The following ZNF76 variants were observed in gnomAD, a reference collection of about 807,000 sequenced individuals.
ZNF76 encodes zinc finger protein 523.
Under a neutral mutation model 66.9 loss-of-function variants are expected in ZNF76, and 66 were observed. That is an observed-to-expected ratio of 0.99 (90% CI 0.81 to 1.21). ZNF76 has a LOEUF of 1.21. Ranked by LOEUF, ZNF76 falls within the 50% of genes most tolerant of loss-of-function variation. ZNF76 has a pLI of 0.00. For synonymous variants in ZNF76, 275 were observed against 296.1 expected, an observed-to-expected ratio of 0.93 and a Z score of 0.73; for missense variants, 729 against 760.3, an observed-to-expected ratio of 0.96 and a Z score of 0.48.
At position 35,292,579 on chromosome 6, in the gene ZNF76, G is replaced by A. The variant is rs2150377537; in HGVS notation, c.957G>A (p.Val319=). The A allele has an allele frequency of 3.7e-6, 6 of 1,613,498 alleles. No individual in the cohort carries two copies. Among genetic ancestry groups the A allele is most frequent in the Non-Finnish European group, 5.1e-6 (6 of 1,180,008 alleles). ...HTGEKPYVCT[V]PGCGKRFTEY... Reference sequence around the variant, plus strand: ...GGGAGAAGCCATACGTTTGCACGGTGCCAGGCTGCGGGAAACGCTTCACCG... The same window carrying A: ...GGGAGAAGCCATACGTTTGCACGGTACCAGGCTGCGGGAAACGCTTCACCG... Residue 319 remains valine, a synonymous_variant, in exon 10 of 14, where the codon GTG becomes GTA. Coordinates refer to ENST00000373953, the MANE Select transcript of ZNF76 (RefSeq NM_003427.5). The surrounding 1 kb of genome is among the most constrained non-coding windows in gnomAD (Gnocchi z 4.7).
intron 5 of ZNF76, 163 bp from the exon 6 acceptor site, chr6:35,290,103 G>A: frequency 6.7e-6 from 6 of 897,320 alleles, no homozygotes; most frequent in Non-Finnish European, 8.5e-6. Context: ...TCTGTAGCAT[G>A]CCCCAGCATC....
chr6:35,262,442 C>G (rs1785393467), intron 1 of ZNF76, among the ~76,000 whole-genome samples: 1 of 152,138 alleles, frequency 6.6e-6, no homozygotes, highest in South Asian at 2.1e-4. Flanking sequence ...CATCCTTTGC[C>G]CAAATATCTC....
At chr6:35,266,257 AT>A (rs1786047295) in intron 1 of ZNF76, among the ~76,000 whole-genome samples, 1 of 151,600 alleles carries the variant, frequency 6.6e-6, no homozygotes. Flanking sequence ...GGTTCAAGTG[AT>A]TCTTCTGCCT....
chr6:35,278,572 A>G (rs1248010753), intron 1 of ZNF76, among the ~76,000 whole-genome samples: 2 of 152,228 alleles, frequency 1.3e-5, no homozygotes, highest in African/African-American at 4.8e-5. Flanking sequence ...CCTGACATGA[A>G]AACAGTTTGG....
intron 7 of ZNF76, 131 bp from the exon 8 acceptor site, chr6:35,291,147 C>G: frequency 7.9e-7 from 1 of 1,265,918 alleles, no homozygotes; most frequent in Admixed American, 2.5e-5. Context: ...CTGCCCAGGG[C>G]AGGGGTGGGA....
intron 2 of ZNF76, among the ~76,000 whole-genome samples, chr6:35,283,251 ACAC>A (rs1789048611): frequency 6.6e-6 from 1 of 152,128 alleles, no homozygotes; most frequent in Non-Finnish European, 1.5e-5. Flanking sequence ...GTGCACTTAC[ACAC>A]ACACATATGC....
intron 1 of ZNF76, among the ~76,000 whole-genome samples, chr6:35,260,395 C>G (rs1238834228): frequency 6.6e-6 from 1 of 152,130 alleles, no homozygotes; most frequent in Non-Finnish European, 1.5e-5. Context: ...GTTTTCCACG[C>G]ACTCACCTTG....
At chr6:35,286,258 C>CCCA in intron 3 of ZNF76, 50 bp downstream of exon 3, 1 of 1,613,080 alleles carries the variant, frequency 6.2e-7, no homozygotes, top group Non-Finnish European at 8.5e-7. Flanking sequence ...CCTGACAGCC[C>CCCA]CCACCAAGGG....
At chr6:35,277,587 G>A (rs749917746) in intron 1 of ZNF76, among the ~76,000 whole-genome samples, 26 of 152,252 alleles carry the variant, frequency 1.7e-4, no homozygotes, top group South Asian at 4.1e-4. Flanking sequence ...ACTTGGTCTT[G>A]GGCCTCCAGT....
In ZNF76 at chr6:35,287,551, C is replaced by G; in HGVS notation, c.233-95C>G. ...TGAGAAATTGGATGTTGAAACCCTC[C>G]TTGGTATATGTATCTCTCATTAACT... On this transcript the variant is annotated intron_variant, in intron 4 of 13. Coordinates refer to ENST00000373953, the MANE Select transcript of ZNF76 (RefSeq NM_003427.5). This position sits in a 1 kb window ranked among gnomAD's most constrained non-coding sequence, Gnocchi z 4.0. The G allele has an allele frequency of 8.3e-7, 1 of 1,198,152 alleles. No individual in the cohort carries two copies. Among genetic ancestry groups the G allele is most frequent in the South Asian group, 1.5e-5 (1 of 65,776 alleles). 74.2% of individuals were successfully genotyped at this position (1,198,152 alleles called of 1,614,324 possible). A position where few individuals can be genotyped will look rare whatever the true frequency, so the allele number is the denominator to read the frequency against.
intron 1 of ZNF76, among the ~76,000 whole-genome samples, chr6:35,266,938 C>T (rs1293128778): frequency 6.6e-6 from 1 of 150,516 alleles, no homozygotes. Flanking sequence ...GTAGCTGGGA[C>T]TACAGGTGCC....
intron 13 of ZNF76, 79 bp downstream of exon 13, chr6:35,294,648 C>A (rs533542930): frequency 4.3e-5 from 45 of 1,037,898 alleles, no homozygotes; most frequent in Admixed American, 3.7e-4. Flanking sequence ...AGATGAGGAT[C>A]TTGAAGAGAA....
chr6:35,280,874 T>G (rs1352589965), intron 1 of ZNF76, among the ~76,000 whole-genome samples, 182 bp from the exon 2 acceptor site: 1 of 152,204 alleles, frequency 6.6e-6, no homozygotes, highest in Non-Finnish European at 1.5e-5. Flanking sequence ...TATGCTTAAC[T>G]TTTAGAATTC....
chr6:35,264,551 C>T (rs1785720845), intron 1 of ZNF76, among the ~76,000 whole-genome samples: 1 of 152,164 alleles, frequency 6.6e-6, no homozygotes, highest in African/African-American at 2.4e-5. Context: ...TTATACCATT[C>T]TTTCCATTTT....
rs773524718 is a variant in ZNF76 at position 35,290,300 on chromosome 6, A to T, written c.467A>T (p.Lys156Ile). ...LHDSQIPRNGKGQQVGDRAFR... is the reference protein window; with the variant it reads ...LHDSQIPRNGIGQQVGDRAFR... ...GACAGCCAGATTCCCCGTAATGGAA[A>T]AGGGCAGCAAGTTGGAGACAGAGCA... Residue 156 changes from lysine to isoleucine, a missense_variant, in exon 6 of 14, where the codon AAA becomes ATA. Coordinates refer to ENST00000373953, the MANE Select transcript of ZNF76 (RefSeq NM_003427.5). The T allele has an allele frequency of 6.2e-7, 1 of 1,614,210 alleles. No individual in the cohort carries two copies. The highest frequency in any genetic ancestry group is 1.7e-5 in the Admixed American group (1 of 60,022).
At chr6:35,294,017 C>T (rs1181213178) in intron 12 of ZNF76, 102 bp downstream of exon 12, 1 of 1,371,628 alleles carries the variant, frequency 7.3e-7, no homozygotes, top group Non-Finnish European at 9.9e-7. Flanking sequence ...CTTACCAGGA[C>T]AAAGATTCCC....
intron 9 of ZNF76, 99 bp downstream of exon 9, chr6:35,291,836 C>A: frequency 7.1e-7 from 1 of 1,411,686 alleles, no homozygotes; most frequent in Non-Finnish European, 9.7e-7. Flanking sequence ...CAGCCCAGAA[C>A]CCTTCTGTGC....
chr6:35,260,610 C>G (rs4713845), intron 1 of ZNF76, among the ~76,000 whole-genome samples: 103,009 of 152,008 alleles, frequency 0.68, 38,023 homozygotes, highest in Non-Finnish European at 0.82. Context: ...TTGGAGGCAT[C>G]AGAGAATTCT....
At chr6:35,265,368 G>C (rs984564897) in intron 1 of ZNF76, among the ~76,000 whole-genome samples, 1 of 151,902 alleles carries the variant, frequency 6.6e-6, no homozygotes, top group African/African-American at 2.4e-5. Context: ...TTAGCCAGGC[G>C]TGGTGGCAGG....
Sources: allele counts gnomAD v4.1 joint callset (sites outside exome capture counted in the v4.1 genomes callset), GRCh38; gene constraint gnomAD v4.1.1; non-coding constraint Gnocchi (gnomAD v3.1); transcripts MANE v1.5; gene names NCBI Gene and HGNC (gene_info 2026-07-23, HGNC 2026-07-21).